PHAX: variants seen among roughly 807,000 people sequenced by gnomAD.
PHAX encodes phosphorylated adaptor for RNA export, also known as phosphorylated adapter RNA export protein.
A neutral mutation model predicts 41.6 loss-of-function variants in PHAX; 31 were observed. That is an observed-to-expected ratio of 0.75 (90% CI 0.56 to 1.01). PHAX has a LOEUF of 1.01. PHAX is among the 50% of genes least tolerant of loss of function. The pLI, the probability that PHAX is intolerant of heterozygous loss-of-function variation, is 0.00. For missense variants in PHAX, 453 were observed against 472.9 expected (o/e 0.96, Z 0.39); for synonymous variants, 175 against 164.9 (o/e 1.06, Z -0.47).
chr5:126,602,617 A>G (rs913114256), intron 1 of PHAX, among the ~76,000 whole-genome samples: 1 of 152,224 alleles, frequency 6.6e-6, no homozygotes, highest in Non-Finnish European at 1.5e-5. Context: ...ATTAGTACCA[A>G]GATATTTTGT....
intron 3 of PHAX, among the ~76,000 whole-genome samples, chr5:126,615,897 G>A (rs1433113825): frequency 1.3e-5 from 2 of 151,998 alleles, no homozygotes; most frequent in African/African-American, 4.8e-5. Flanking sequence ...TGACTATTGA[G>A]AAGCCACTGT....
chr5:126,620,395 AAAG>A, intron 4 of PHAX, among the ~76,000 whole-genome samples: 1 of 152,340 alleles, frequency 6.6e-6, no homozygotes, highest in South Asian at 2.1e-4. Flanking sequence ...AGGCAGGAGA[AAAG>A]AAATACTGTA....
chr5:126,605,784 G>A (rs942883976), intron 2 of PHAX, among the ~76,000 whole-genome samples: 2 of 152,162 alleles, frequency 1.3e-5, no homozygotes, highest in Admixed American at 6.5e-5. Flanking sequence ...GTGCCATAGA[G>A]CTTTTTAAAT....
rs186327502 is a variant in PHAX, at chr5:126,603,855, G to A, written c.382G>A (p.Asp128Asn). The change falls in exon 2 of 5, where the codon GAT (aspartate) becomes AAT (asparagine). Residue 128 changes from aspartate (D) to asparagine (N), a missense_variant. Asp to Asn is a conservative substitution (Grantham distance 23). Coordinates refer to ENST00000297540, the MANE Select transcript of PHAX (RefSeq NM_032177.4). The stretch of plus-strand genomic sequence containing the variant: ...TGCTGTGCTGCAGGAACAGAATCAA[G>A]ATGCAGTGGCCACTGAACTTGGTAT... Reference protein sequence around the residue: ...WGAVLQEQNQDAVATELGILG... With the variant: ...WGAVLQEQNQNAVATELGILG... 39 of 1,614,048 alleles carry A rather than the reference G, an allele frequency of 2.4e-5. No homozygotes were observed. The Admixed American group carries it at 3.8e-4, about 16-fold the overall frequency.
rs11452884 is a variant in PHAX, at chr5:126,626,148, G to GA, written c.*1305dup. ...CAATCCCAACACTTTGGGAGGCCAA[G>GA]AGAGGAAGATTGCTTGAGCCCAGGA... is the stretch of plus-strand genomic sequence containing the variant. On this transcript the variant is annotated 3_prime_UTR_variant, in exon 5 of 5. Coordinates refer to ENST00000297540, the MANE Select transcript of PHAX (RefSeq NM_032177.4). The GA allele has an allele frequency of 0.27, 41,054 of 152,028 alleles. 7,056 individuals carry two copies. Among genetic ancestry groups the GA allele is most frequent in the African/African-American group, 0.47 (19,471 of 41,410 alleles). 9.4% of individuals were successfully genotyped at this position (152,028 alleles called of 1,614,324 possible). A position where few individuals can be genotyped will look rare whatever the true frequency, so the allele number is the denominator to read the frequency against.
intron 1 of PHAX, among the ~76,000 whole-genome samples, chr5:126,601,444 A>G (rs1751902103): frequency 6.6e-6 from 1 of 152,078 alleles, no homozygotes; most frequent in Admixed American, 6.5e-5. Context: ...TCCCCACTCC[A>G]TCGCCGCTAG....
chr5:126,616,325 A>T (rs971327961), intron 3 of PHAX, among the ~76,000 whole-genome samples: 12 of 152,016 alleles, frequency 7.9e-5, no homozygotes, highest in Non-Finnish European at 1.6e-4. Flanking sequence ...TGAATTCCTG[A>T]CCTCAGGTGA....
In PHAX at chr5:126,624,815, G is replaced by A; in HGVS notation, c.1156G>A (p.Asp386Asn). The A allele has an allele frequency of 6.2e-7, 1 of 1,609,800 alleles. No individual in the cohort carries two copies. Among genetic ancestry groups the A allele is most frequent in the South Asian group, 1.1e-5 (1 of 89,548 alleles). ...KLEAEEAIEV[D>N]HSHDLDIF ...GGAGGCAGAGGAAGCCATTGAAGTT[G>A]ATCATTCTCATGATTTGGACATCTT... The change falls in exon 5 of 5, where the codon GAT becomes AAT. Residue 386 changes from aspartate (D) to asparagine (N), a missense_variant. Asp to Asn is a conservative substitution (Grantham distance 23, BLOSUM62 1). Coordinates refer to ENST00000297540, the MANE Select transcript of PHAX (RefSeq NM_032177.4).
intron 3 of PHAX, among the ~76,000 whole-genome samples, chr5:126,616,330 A>G (rs543933801): frequency 6.6e-6 from 1 of 152,232 alleles, no homozygotes; most frequent in South Asian, 2.1e-4. Context: ...TCCTGACCTC[A>G]GGTGATCCAC....
intron 4 of PHAX, among the ~76,000 whole-genome samples, chr5:126,621,245 A>G (rs1323115827): frequency 5.9e-5 from 9 of 151,950 alleles, no homozygotes; most frequent in East Asian, 1.9e-4. Flanking sequence ...CAGGAGTCCA[A>G]TGGCACTATC....
intron 3 of PHAX, among the ~76,000 whole-genome samples, chr5:126,614,711 G>A (rs976087670): frequency 2.6e-5 from 4 of 151,898 alleles, no homozygotes; most frequent in Non-Finnish European, 1.5e-5. Context: ...GTAGTGAGAG[G>A]CTACCCGGAC....
At chr5:126,624,547 G>T (rs1581424362) in intron 4 of PHAX, 28 bp from the exon 5 acceptor site, 1 of 1,530,184 alleles carries the variant, frequency 6.5e-7, no homozygotes. Flanking sequence ...GGTAGTTCTT[G>T]TTTACTAACT....
In PHAX at chr5:126,626,269, T is replaced by C. The variant is rs772385679; in HGVS notation, c.*1425T>C. ...CCCAGTGGCAGCCTGCCTAAGACTG[T>C]CTTACCTTATGTTAAGGAAGTCAGG... is the stretch of plus-strand genomic sequence containing the variant. On this transcript the variant is annotated 3_prime_UTR_variant, in exon 5 of 5. Coordinates refer to ENST00000297540, the MANE Select transcript of PHAX (RefSeq NM_032177.4). 1 of 152,088 alleles carries C rather than the reference T, an allele frequency of 6.6e-6. No homozygotes were observed. Among genetic ancestry groups the C allele is most frequent in the Non-Finnish European group, 1.5e-5 (1 of 68,024 alleles). 9.4% of individuals were successfully genotyped at this position (152,088 alleles called of 1,614,324 possible). A position where few individuals can be genotyped will look rare whatever the true frequency, so the allele number is the denominator to read the frequency against.
rs568907565 is a variant in PHAX at position 126,602,520 on chromosome 5, G to A, written c.97-1050G>A. On this transcript the variant is annotated intron_variant, in intron 1 of 4. Coordinates refer to ENST00000297540, the MANE Select transcript of PHAX (RefSeq NM_032177.4). ...ATCTCTGATTATTATTTGAAGATAG[G>A]AAGATAGATAGTCCCAACTTCCATT... is the stretch of plus-strand genomic sequence containing the variant. 2.0e-5 allele frequency among the ~76,000 whole-genome samples: 3 copies of A among 152,364 alleles called. No homozygotes were observed. The South Asian group carries it at 6.2e-4, about 32-fold the overall frequency.
intron 3 of PHAX, among the ~76,000 whole-genome samples, chr5:126,611,038 T>G (rs1290748311): frequency 1.4e-5 from 2 of 143,892 alleles, no homozygotes; most frequent in Non-Finnish European, 3.0e-5. Context: ...TTTTTGTTTT[T>G]TTTCTTTTCG....
Position 126,611,187 on chromosome 5 carries a change from C to G in PHAX, c.831+2703C>G, listed in dbSNP as rs190460437. Among the ~76,000 whole-genome samples the G allele has an allele frequency of 1.9e-3, 288 of 152,264 alleles. 2 individuals carry two copies. Among genetic ancestry groups the G allele is most frequent in the African/African-American group, 6.6e-3 (274 of 41,558 alleles). On this transcript the variant is annotated intron_variant, in intron 3 of 4. Coordinates refer to ENST00000297540, the MANE Select transcript of PHAX (RefSeq NM_032177.4). ...TCTCCTGCCTCAGCCTCCCAAGTAGCTGGGATTACAGGCATGCGCCACCAC... is the reference window on the plus strand; with the variant it reads ...TCTCCTGCCTCAGCCTCCCAAGTAGGTGGGATTACAGGCATGCGCCACCAC...
At chr5:126,611,296 TGCCG>T (rs1752093812) in intron 3 of PHAX, among the ~76,000 whole-genome samples, 1 of 152,124 alleles carries the variant, frequency 6.6e-6, no homozygotes, top group African/African-American at 2.4e-5. Flanking sequence ...TCAGGTGATC[TGCCG>T]GCCTCGGCCT....
At chr5:126,616,114 T>C (rs1292740604) in intron 3 of PHAX, among the ~76,000 whole-genome samples, 2 of 134,152 alleles carry the variant, frequency 1.5e-5, no homozygotes, top group East Asian at 4.4e-4. Flanking sequence ...AAAAATGAAA[T>C]GGAGGTTTGC....
intron 1 of PHAX, among the ~76,000 whole-genome samples, chr5:126,603,229 C>CA (rs59916245): frequency 0.28 from 40,383 of 145,152 alleles, 6,838 homozygotes; most frequent in African/African-American, 0.48. Context: ...AACTTTGTCT[C>CA]AAAAAAAAAA....
Sources: allele counts gnomAD v4.1 joint callset (sites outside exome capture counted in the v4.1 genomes callset), GRCh38; gene constraint gnomAD v4.1.1; transcripts MANE v1.5; gene names NCBI Gene and HGNC (gene_info 2026-07-23, HGNC 2026-07-21).